The following KCNH5 variants were observed in gnomAD, a reference collection of about 807,000 sequenced individuals.
KCNH5 encodes the protein voltage-gated delayed rectifier potassium channel KCNH5.
Under a neutral mutation model 96.1 loss-of-function variants are expected in KCNH5, and 46 were observed. That is an observed-to-expected ratio of 0.48 (90% CI 0.38 to 0.61). KCNH5 has a LOEUF of 0.61. KCNH5 is among the 20% of genes least tolerant of loss of function. The pLI is 0.00. For missense variants in KCNH5, 907 were observed against 1,225.8 expected (o/e 0.74, Z 3.88); for synonymous variants, 439 against 449.8 (o/e 0.98, Z 0.30).
At chr14:62,900,552 G>A (rs1403531189) in intron 7 of KCNH5, among the ~76,000 whole-genome samples, 1 of 152,088 alleles carries the variant, frequency 6.6e-6, no homozygotes, top group Non-Finnish European at 1.5e-5. Context: ...TATAGAAGAT[G>A]ATTATGGTAC....
intron 7 of KCNH5, among the ~76,000 whole-genome samples, chr14:62,898,453 A>G (rs2140090965): frequency 6.6e-6 from 1 of 152,282 alleles, no homozygotes; most frequent in African/African-American, 2.4e-5. Context: ...AAACGAGAAA[A>G]AAGTCATTCT....
At chr14:62,947,088 T>C (rs1270241195) in intron 7 of KCNH5, among the ~76,000 whole-genome samples, 2 of 152,190 alleles carry the variant, frequency 1.3e-5, no homozygotes, top group Non-Finnish European at 2.9e-5. Context: ...GCTATAGTTA[T>C]ATAAGATGTA....
intron 1 of KCNH5, among the ~76,000 whole-genome samples, chr14:63,027,199 G>T (rs1473012759): frequency 2.0e-5 from 3 of 152,004 alleles, no homozygotes; most frequent in Admixed American, 6.6e-5. Context: ...GAAGGGTGGG[G>T]ACATTGGGGA....
chr14:62,972,825 AG>A (rs1168805637), intron 6 of KCNH5, among the ~76,000 whole-genome samples: 4 of 152,238 alleles, frequency 2.6e-5, no homozygotes, highest in Non-Finnish European at 5.9e-5. Context: ...GGAGACACAA[AG>A]GATCAGTGGT....
rs58920666 is a variant in KCNH5 at position 62,909,032 on chromosome 14, A to ATTTTTTT, written c.1369+41094_1369+41100dup. 1.6e-3 allele frequency among the ~76,000 whole-genome samples: 94 copies of ATTTTTTT among 57,920 alleles called. 7 individuals carry two copies. The highest frequency in any genetic ancestry group is 3.1e-3 in the East Asian group (5 of 1,590). The allele number at this position is 57,920 out of a possible 152,430, so 38.0% of individuals were successfully genotyped here. A position where few individuals can be genotyped will look rare whatever the true frequency, so the allele number is the denominator to read the frequency against. On this transcript the variant is annotated intron_variant, in intron 7 of 10. Coordinates refer to ENST00000322893, the MANE Select transcript of KCNH5 (RefSeq NM_139318.5). ...AAACATAGAAAACACTATGCTACGTATTTTTTTTTTTTTTTTTTTTTTTTT... is the reference window on the plus strand; with the variant it reads ...AAACATAGAAAACACTATGCTACGTATTTTTTTTTTTTTTTTTTTTTTTTTTTTTTTT...
intron 8 of KCNH5, among the ~76,000 whole-genome samples, chr14:62,827,239 G>A (rs1372668720): frequency 6.6e-6 from 1 of 152,154 alleles, no homozygotes; most frequent in Non-Finnish European, 1.5e-5. Context: ...CTCTAGCAAT[G>A]TTTCCCCAAT....
At chr14:62,745,216 T>C (rs1360669075) in intron 10 of KCNH5, among the ~76,000 whole-genome samples, 1 of 152,136 alleles carries the variant, frequency 6.6e-6, no homozygotes, top group Non-Finnish European at 1.5e-5. Flanking sequence ...TCAGTTTGCT[T>C]GTGTAGATCA....
intron 7 of KCNH5, among the ~76,000 whole-genome samples, chr14:62,939,462 A>C (rs116250176): frequency 0.011 from 1,677 of 152,302 alleles, 46 homozygotes; most frequent in African/African-American, 0.038. Flanking sequence ...CATTTCCATC[A>C]GAATAACCTG....
chr14:62,933,331 C>T lies in KCNH5; in HGVS notation c.1369+16802G>A, dbSNP rs954996704. On this transcript the variant is annotated intron_variant, in intron 7 of 10. Transcript: ENST00000322893. ...AATAATCACAGTATAACATATGACT[C>T]AGTTGTAAATAGCATATACCTAGTC... Among the ~76,000 whole-genome samples, 5 of 152,016 alleles carry T rather than the reference C, an allele frequency of 3.3e-5. No individual in the cohort carries two copies. In the East Asian group the frequency reaches 5.8e-4, roughly 18 times the overall value.
At chr14:62,952,609 G>A (rs907127778) in intron 6 of KCNH5, among the ~76,000 whole-genome samples, 10 of 152,144 alleles carry the variant, frequency 6.6e-5, no homozygotes, top group Non-Finnish European at 1.5e-4. Context: ...GGAACTTTGG[G>A]ACTTCTGTTT....
chr14:62,975,809 G>A (rs1439008558), intron 6 of KCNH5, among the ~76,000 whole-genome samples: 1 of 151,992 alleles, frequency 6.6e-6, no homozygotes, highest in Non-Finnish European at 1.5e-5. Context: ...AAAATAAGAT[G>A]TACTAAGTAA....
At chr14:62,709,337 G>C (rs1052996228) in intron 10 of KCNH5, among the ~76,000 whole-genome samples, 1 of 151,654 alleles carries the variant, frequency 6.6e-6, no homozygotes, top group Non-Finnish European at 1.5e-5. Context: ...TTAGCAAATG[G>C]CATCTGGGTT....
At chr14:62,821,541 T>A (rs918742507) in intron 8 of KCNH5, among the ~76,000 whole-genome samples, 3 of 152,140 alleles carry the variant, frequency 2.0e-5, no homozygotes, top group African/African-American at 7.2e-5. Context: ...CATATTATGC[T>A]CACATTATTT....
chr14:62,876,827 C>T (rs1888383330), intron 7 of KCNH5, among the ~76,000 whole-genome samples: 1 of 152,106 alleles, frequency 6.6e-6, no homozygotes, highest in Non-Finnish European at 1.5e-5. Context: ...AGAGAAAAGA[C>T]AGTAGTCCAC....
chr14:62,831,627 C>T (rs911104353), intron 8 of KCNH5, among the ~76,000 whole-genome samples: 4 of 152,118 alleles, frequency 2.6e-5, no homozygotes, highest in African/African-American at 9.7e-5. Context: ...TAATGCTTTA[C>T]TGATTTTGTA....
chr14:62,768,639 G>C (rs1885916657), intron 10 of KCNH5, among the ~76,000 whole-genome samples: 2 of 152,126 alleles, frequency 1.3e-5, no homozygotes, highest in Non-Finnish European at 2.9e-5. Context: ...TTTACATTAT[G>C]TTGGTTAAAT....
chr14:63,025,620 C>A (rs929651800), intron 1 of KCNH5, among the ~76,000 whole-genome samples: 51 of 146,306 alleles, frequency 3.5e-4, no homozygotes, highest in Non-Finnish European at 3.2e-4. Context: ...ACAATAGTAA[C>A]AAAAAAAAAA....
At chr14:62,810,285 A>G (rs1886846544) in intron 8 of KCNH5, among the ~76,000 whole-genome samples, 1 of 151,900 alleles carries the variant, frequency 6.6e-6, no homozygotes, top group Non-Finnish European at 1.5e-5. Flanking sequence ...GAATATCATC[A>G]CCCCTATTAA....
At chr14:62,723,259 A>G (rs941111597) in intron 10 of KCNH5, among the ~76,000 whole-genome samples, 1 of 152,208 alleles carries the variant, frequency 6.6e-6, no homozygotes, top group African/African-American at 2.4e-5. Context: ...TGTAATTTTC[A>G]CTTAATATCA....
Sources: gnomAD v4.1 joint callset for allele counts (sites outside exome capture counted in the v4.1 genomes callset) on GRCh38, gnomAD v4.1.1 for gene constraint, MANE v1.5 for transcripts, NCBI Gene and HGNC (gene_info 2026-07-23, HGNC 2026-07-21) for gene names.